The following ARL3 variants were observed in gnomAD, a reference collection of about 807,000 sequenced individuals.
ARL3 encodes ARF like GTPase 3.
Under a neutral mutation model 26.0 loss-of-function variants are expected in ARL3, and 9 were observed. The observed-to-expected ratio is 0.35, with a 90% CI of 0.21 to 0.60. The LOEUF (loss-of-function observed/expected upper bound fraction) is 0.60. Among genes scored for constraint, ARL3 ranks in the 20% least tolerant of loss-of-function variants. The pLI, the probability that ARL3 is intolerant of heterozygous loss-of-function variation, is 0.78. For synonymous variants in ARL3, 71 were observed against 78.4 expected (o/e 0.91, Z 0.50); for missense variants, 158 against 215.7 (o/e 0.73, Z 1.67).
At chr10:102,711,614 G>A (rs1188873747) in intron 1 of ARL3, among the ~76,000 whole-genome samples, 1 of 152,028 alleles carries the variant, frequency 6.6e-6, no homozygotes, top group African/African-American at 2.4e-5. Flanking sequence ...AAAATTAGCC[G>A]GGCGTGGTGG....
chr10:102,686,712 G>A (rs992261407), intron 4 of ARL3, among the ~76,000 whole-genome samples: 5 of 150,722 alleles, frequency 3.3e-5, no homozygotes, highest in Non-Finnish European at 7.4e-5. Context: ...TGATCTGCCC[G>A]CCTTGGCCTC....
chr10:102,706,268 G>A (rs1337051038), intron 1 of ARL3, among the ~76,000 whole-genome samples: 2 of 152,052 alleles, frequency 1.3e-5, no homozygotes, highest in East Asian at 1.9e-4. Flanking sequence ...TGGCTAACAC[G>A]GTGAAACCCT....
At chr10:102,687,652 C>T (rs1263678060) in intron 4 of ARL3, among the ~76,000 whole-genome samples, 1 of 151,950 alleles carries the variant, frequency 6.6e-6, no homozygotes, top group Non-Finnish European at 1.5e-5. Context: ...CATGCCACTG[C>T]ACTCCAGCCA....
intron 3 of ARL3, among the ~76,000 whole-genome samples, chr10:102,690,667 A>G (rs1408877514): frequency 2.6e-5 from 4 of 152,160 alleles, no homozygotes; most frequent in African/African-American, 4.8e-5. Context: ...TAACATGAAT[A>G]TATCTTGAAA....
At chr10:102,680,052 T>C (rs1462819083) in intron 5 of ARL3, among the ~76,000 whole-genome samples, 3 of 152,130 alleles carry the variant, frequency 2.0e-5, no homozygotes, top group African/African-American at 4.8e-5. Flanking sequence ...CATGCCATTC[T>C]CCTGCCTCAG....
intron 2 of ARL3, among the ~76,000 whole-genome samples, 192 bp downstream of exon 2, chr10:102,705,154 T>C (rs2064302494): frequency 6.6e-6 from 1 of 152,216 alleles, no homozygotes; most frequent in African/African-American, 2.4e-5. Context: ...TCTATGAATC[T>C]GACTACTCTA....
intron 3 of ARL3, among the ~76,000 whole-genome samples, chr10:102,693,445 C>T (rs898037324): frequency 7.9e-5 from 12 of 152,066 alleles, no homozygotes; most frequent in Admixed American, 2.6e-4. Context: ...TCCATAATGA[C>T]ATATAATACT....
intron 1 of ARL3, among the ~76,000 whole-genome samples, chr10:102,710,399 A>G (rs960912533): frequency 2.6e-5 from 4 of 152,200 alleles, no homozygotes; most frequent in Admixed American, 1.3e-4. Context: ...GGCTGGATGA[A>G]AGAGACCAGA....
intron 4 of ARL3, among the ~76,000 whole-genome samples, chr10:102,689,202 G>T (rs1192861803): frequency 6.6e-6 from 1 of 152,028 alleles, no homozygotes; most frequent in Non-Finnish European, 1.5e-5. Context: ...GCGCACGCCT[G>T]TAATCCCAGC....
chr10:102,712,023 T>C lies in ARL3; in HGVS notation c.3+2250A>G, dbSNP rs1233942925. ...CTCCATATATGTAGAAAGTGCTCCA[T>C]AAATAATTACTGAATGAAGGAATCA... On this transcript the variant is annotated intron_variant, in intron 1 of 5. Coordinates refer to ENST00000260746, the MANE Select transcript of ARL3 (RefSeq NM_004311.4). 5.3e-5 allele frequency among the ~76,000 whole-genome samples: 8 copies of C among 152,208 alleles called. 1 individual carries two copies. The highest frequency in any genetic ancestry group is 1.2e-4 in the Non-Finnish European group (8 of 68,042).
intron 3 of ARL3, among the ~76,000 whole-genome samples, chr10:102,693,601 T>C (rs1422935030): frequency 6.6e-6 from 1 of 152,234 alleles, no homozygotes; most frequent in Admixed American, 6.5e-5. Flanking sequence ...TATATGTGTT[T>C]TGCAAATATT....
At chr10:102,694,334 A>G (rs2064236326) in intron 3 of ARL3, among the ~76,000 whole-genome samples, 1 of 152,138 alleles carries the variant, frequency 6.6e-6, no homozygotes, top group Admixed American at 6.6e-5. Context: ...TATTTCTTTC[A>G]TGGATTATGC....
chr10:102,714,166 G>A (rs1388196317), intron 1 of ARL3, 107 bp downstream of exon 1: 9 of 1,240,956 alleles, frequency 7.3e-6, no homozygotes, highest in Non-Finnish European at 8.4e-6. Flanking sequence ...CAGGCTGAGC[G>A]ACGTCCCATT....
At chr10:102,695,596 G>T (rs1337788708) in intron 3 of ARL3, among the ~76,000 whole-genome samples, 1 of 151,818 alleles carries the variant, frequency 6.6e-6, no homozygotes, top group African/African-American at 2.4e-5. Flanking sequence ...GCAATGCCAT[G>T]ATCTTGGCTC....
At chr10:102,712,744 G>A (rs1386788551) in intron 1 of ARL3, among the ~76,000 whole-genome samples, 2 of 152,010 alleles carry the variant, frequency 1.3e-5, no homozygotes, top group Non-Finnish European at 2.9e-5. Context: ...CTGTTGGTTC[G>A]GCATGCCCTT....
chr10:102,683,277 G>A (rs1290002890), intron 5 of ARL3, among the ~76,000 whole-genome samples: 1 of 152,238 alleles, frequency 6.6e-6, no homozygotes, highest in Non-Finnish European at 1.5e-5. Flanking sequence ...AGGTTACCAC[G>A]AAAGGACAAT....
chr10:102,680,795 C>A (rs2064152913), intron 5 of ARL3, among the ~76,000 whole-genome samples: 1 of 152,142 alleles, frequency 6.6e-6, no homozygotes, highest in Non-Finnish European at 1.5e-5. Context: ...GTGCTCGGAC[C>A]CTTGCTGAGC....
At chr10:102,686,866 C>CTTT (rs59400726) in intron 4 of ARL3, among the ~76,000 whole-genome samples, 1 of 59,632 alleles carries the variant, frequency 1.7e-5, no homozygotes, top group African/African-American at 6.5e-5. Context: ...CAGGAATTTA[C>CTTT]TTTTTTTTTT....
At chr10:102,694,211 G>A (rs535692712) in intron 3 of ARL3, among the ~76,000 whole-genome samples, 2 of 150,734 alleles carry the variant, frequency 1.3e-5, no homozygotes, top group African/African-American at 2.4e-5. Flanking sequence ...GGATGGTCTC[G>A]ATCTCCTGAC....
Sources: allele counts gnomAD v4.1 joint callset (sites outside exome capture counted in the v4.1 genomes callset), GRCh38; gene constraint gnomAD v4.1.1; transcripts MANE v1.5; gene names NCBI Gene and HGNC (gene_info 2026-07-23, HGNC 2026-07-21).